The following RGL1 variants were observed in gnomAD, a reference collection of about 807,000 sequenced individuals.
The protein encoded by RGL1 is ral guanine nucleotide dissociation stimulator like 1.
Under a neutral mutation model 95.2 loss-of-function variants are expected in RGL1, and 24 were observed. The observed-to-expected ratio is 0.25, with a 90% confidence interval of 0.18 to 0.35. The LOEUF (loss-of-function observed/expected upper bound fraction) is 0.35. Among genes scored for constraint, RGL1 ranks in the 10% least tolerant of loss-of-function variants. The pLI is 1.00. For missense variants in RGL1, 715 were observed against 936.3 expected, an observed-to-expected ratio of 0.76 and a Z score of 3.08; for synonymous variants, 329 against 344.9, an observed-to-expected ratio of 0.95 and a Z score of 0.51.
chr1:183,705,898 T>A (rs1455984022), intron 1 of RGL1, among the ~76,000 whole-genome samples: 1 of 152,056 alleles, frequency 6.6e-6, no homozygotes, highest in African/African-American at 2.4e-5. Flanking sequence ...CTATGAGAGC[T>A]GCTTGGGGGA....
At chr1:183,678,704 A>T (rs1277535925) in intron 1 of RGL1, among the ~76,000 whole-genome samples, 1 of 151,762 alleles carries the variant, frequency 6.6e-6, no homozygotes, top group Admixed American at 6.6e-5. Flanking sequence ...TCTAAGCAAG[A>T]TTTCTTTTTT....
At chr1:183,686,181 C>A (rs550835840) in intron 1 of RGL1, among the ~76,000 whole-genome samples, 3 of 151,940 alleles carry the variant, frequency 2.0e-5, no homozygotes, top group Non-Finnish European at 4.4e-5. Flanking sequence ...TATTTTATTG[C>A]CCTTTTGTGT....
At chr1:183,809,268 T>C (rs1661541359) in intron 2 of RGL1, among the ~76,000 whole-genome samples, 1 of 152,214 alleles carries the variant, frequency 6.6e-6, no homozygotes, top group Non-Finnish European at 1.5e-5. Flanking sequence ...TAAGATTCAA[T>C]TTTGGGGAGG....
intron 2 of RGL1, among the ~76,000 whole-genome samples, chr1:183,836,313 C>T (rs1380399620): frequency 3.9e-5 from 6 of 151,916 alleles, no homozygotes; most frequent in South Asian, 2.1e-4. Context: ...TGCAATGGCG[C>T]GATCTCAGGT....
intron 1 of RGL1, among the ~76,000 whole-genome samples, chr1:183,697,261 C>T (rs564297872): frequency 6.6e-6 from 1 of 152,264 alleles, no homozygotes; most frequent in South Asian, 2.1e-4. Context: ...GAGGCCTTTC[C>T]CTCCCAACCT....
chr1:183,905,120 G>A, intron 13 of RGL1, 149 bp downstream of exon 13: 1 of 886,140 alleles, frequency 1.1e-6, no homozygotes, highest in Non-Finnish European at 1.7e-6. Context: ...CGCATGGTGT[G>A]GCAGGAAAGG....
chr1:183,801,785 G>A (rs539556891), upstream of RGL1, among the ~76,000 whole-genome samples: 15 of 152,290 alleles, frequency 9.8e-5, no homozygotes, highest in Admixed American at 3.9e-4. Context: ...GTGAGGCAGC[G>A]CATGCAGAGA....
rs189484021 is a variant in RGL1 at position 183,704,092 on chromosome 1, A to G, written c.-32-38034A>G. On this transcript the variant is annotated intron_variant, in intron 1 of 18. Transcript: ENST00000304685. ...TAAAGAGGAGAGAACAAGGACAGGGACAAAAACTGGCCTTGCACAGGTTGT... is the reference window on the plus strand; with the variant it reads ...TAAAGAGGAGAGAACAAGGACAGGGGCAAAAACTGGCCTTGCACAGGTTGT... 4.3e-3 allele frequency among the ~76,000 whole-genome samples: 655 copies of G among 152,280 alleles called. 1 individual carries two copies. The highest frequency in any genetic ancestry group is 7.7e-3 in the Non-Finnish European group (522 of 68,024).
chr1:183,731,978 C>A (rs896818588), intron 1 of RGL1, among the ~76,000 whole-genome samples: 1 of 152,156 alleles, frequency 6.6e-6, no homozygotes, highest in Admixed American at 6.6e-5. Flanking sequence ...CTGCCCCATA[C>A]ACACCTCGCA....
chr1:183,893,382 T>C (rs939088912), intron 9 of RGL1, among the ~76,000 whole-genome samples: 5 of 152,230 alleles, frequency 3.3e-5, no homozygotes, highest in African/African-American at 9.6e-5. Flanking sequence ...GAAGATTCAC[T>C]ATGGTAAAAT....
chr1:183,659,874 G>C (rs373513963), intron 1 of RGL1, among the ~76,000 whole-genome samples: 4,651 of 140,214 alleles, frequency 0.033, 251 homozygotes, highest in African/African-American at 0.1. Flanking sequence ...AGAAACTCTA[G>C]AAGCCGGAAG....
rs1262619740 is a variant in RGL1, at chr1:183,926,184, G to T, written c.2199G>T (p.Lys733Asn). ...ACTTTGACTTCATTTTGCGCAAAAA[G>T]AACTCCATGGAAGAACAAGTGAAAC... ...QVNFDFILRKKNSMEEQVKLR... is the reference protein window; with the variant it reads ...QVNFDFILRKNNSMEEQVKLR... Residue 733 changes from lysine (K) to asparagine (N), a missense_variant, in exon 18 of 18, where the codon AAG (lysine) becomes AAT (asparagine). Coordinates refer to ENST00000360851, the MANE Select transcript of RGL1 (RefSeq NM_001297671.3). The T allele has an allele frequency of 6.2e-7, 1 of 1,613,980 alleles. No homozygotes were observed. Among genetic ancestry groups the T allele is most frequent in the Admixed American group, 1.7e-5 (1 of 59,996 alleles).
chr1:183,880,535 G>A lies in RGL1; in HGVS notation c.426-81G>A, dbSNP rs1666764154. On this transcript the variant is annotated intron_variant, in intron 4 of 17. Coordinates refer to ENST00000360851, the MANE Select transcript of RGL1 (RefSeq NM_001297671.3). ...CACCCAAGTTTCCAGGGGTGCCCCT[G>A]GGGTCCACCCTGGTGTCCAGGGATT... The A allele has an allele frequency of 3.0e-6, 4 of 1,316,590 alleles. No individual in the cohort carries two copies. In the South Asian group the frequency reaches 4.1e-5, roughly 13 times the overall value. 81.6% of individuals were successfully genotyped at this position (1,316,590 alleles called of 1,614,324 possible).
At chr1:183,785,552 T>C (rs939611264) in intron 2 of RGL1, among the ~76,000 whole-genome samples, 3 of 152,100 alleles carry the variant, frequency 2.0e-5, no homozygotes, top group Admixed American at 6.6e-5. Flanking sequence ...TCTTTGAAAA[T>C]AGGAACTCTG....
intron 4 of RGL1, among the ~76,000 whole-genome samples, chr1:183,876,457 T>A (rs770244040): frequency 1.3e-5 from 2 of 152,256 alleles, no homozygotes; most frequent in Admixed American, 6.5e-5. Context: ...CTTGGCCACC[T>A]ACCCGGCATA....
At chr1:183,667,182 C>G (rs1260174388) in intron 1 of RGL1, among the ~76,000 whole-genome samples, 1 of 152,074 alleles carries the variant, frequency 6.6e-6, no homozygotes, top group Non-Finnish European at 1.5e-5. Flanking sequence ...CATGGTATAT[C>G]TTTCTTTATC....
chr1:183,741,487 A>G (rs1279460934), intron 1 of RGL1, among the ~76,000 whole-genome samples: 2 of 152,234 alleles, frequency 1.3e-5, no homozygotes, highest in African/African-American at 4.8e-5. Flanking sequence ...GAAAGTGCAT[A>G]GCCAGTGAAT....
At chr1:183,780,402 T>C (rs993316020) in intron 2 of RGL1, among the ~76,000 whole-genome samples, 2 of 152,230 alleles carry the variant, frequency 1.3e-5, no homozygotes, top group African/African-American at 4.8e-5. Context: ...AGCCCTGTGC[T>C]GTAACTAGCT....
At chr1:183,867,811 G>T (rs1665929878) in intron 4 of RGL1, among the ~76,000 whole-genome samples, 1 of 152,144 alleles carries the variant, frequency 6.6e-6, no homozygotes, top group Non-Finnish European at 1.5e-5. Context: ...GGGGCCAAAA[G>T]TCTGGGGGGA....
Sources: gnomAD v4.1 joint callset for allele counts (sites outside exome capture counted in the v4.1 genomes callset) on GRCh38, gnomAD v4.1.1 for gene constraint, MANE v1.5 for transcripts, NCBI Gene and HGNC (gene_info 2026-07-23, HGNC 2026-07-21) for gene names.